Variants in SPRYD7 observed in about 807,000 individuals in gnomAD.
The protein encoded by SPRYD7 is SPRY domain containing 7.
A neutral mutation model predicts 23.8 loss-of-function variants in SPRYD7; 14 were observed. The observed-to-expected ratio is 0.59, with a 90% confidence interval of 0.39 to 0.92. The LOEUF is 0.92. SPRYD7 is among the 40% of genes least tolerant of loss of function. SPRYD7 has a pLI of 0.00. For synonymous variants in SPRYD7, 75 were observed against 84.9 expected (o/e 0.88, Z 0.64); for missense variants, 194 against 241.7 (o/e 0.80, Z 1.31).
intron 4 of SPRYD7, among the ~76,000 whole-genome samples, chr13:49,916,113 G>C (rs1955748605): frequency 1.3e-5 from 2 of 152,084 alleles, no homozygotes; most frequent in Non-Finnish European, 2.9e-5. Flanking sequence ...TCATTACCTT[G>C]ACCCTGGTGA....
chr13:49,924,615 T>G (rs940474651), intron 3 of SPRYD7, among the ~76,000 whole-genome samples: 3 of 152,100 alleles, frequency 2.0e-5, no homozygotes, highest in Admixed American at 6.6e-5. Context: ...CTGAGCTATA[T>G]AGTCTTGTAA....
At chr13:49,918,733 G>T (rs1955781468) in intron 4 of SPRYD7, among the ~76,000 whole-genome samples, 1 of 149,562 alleles carries the variant, frequency 6.7e-6, no homozygotes, top group Admixed American at 6.7e-5. Flanking sequence ...TTTTTTTGTG[G>T]AGACTAAGTC....
At chr13:49,925,562 A>G (rs1955872966) in intron 3 of SPRYD7, among the ~76,000 whole-genome samples, 1 of 152,164 alleles carries the variant, frequency 6.6e-6, no homozygotes, top group South Asian at 2.1e-4. Flanking sequence ...CTGTAATCCC[A>G]GCACTTTGGG....
At chr13:49,919,807 T>TA (rs76372615) in intron 4 of SPRYD7, among the ~76,000 whole-genome samples, 1,663 of 135,602 alleles carry the variant, frequency 0.012, 26 homozygotes, top group African/African-American at 0.041. Flanking sequence ...TATGTTTTTC[T>TA]AAAAAAAAAA....
chr13:49,933,703 G>C lies in SPRYD7; in HGVS notation c.106+2427C>G, dbSNP rs1871487121. Among the ~76,000 whole-genome samples the C allele has an allele frequency of 2.0e-5, 3 of 152,132 alleles. No individual in the cohort carries two copies. In the South Asian group the frequency reaches 6.2e-4, roughly 32 times the overall value. On this transcript the variant is annotated intron_variant, in intron 1 of 4. Coordinates refer to ENST00000361840, the MANE Select transcript of SPRYD7 (RefSeq NM_020456.4). ...TTATCCCATTTCTCTTAAGTACACA[G>C]ACGGTTTTAGAATCTGTACTTTTAA...
rs1470656907 is a variant in SPRYD7, at chr13:49,931,063, A to G, written c.178T>C (p.Leu60=). The G allele has an allele frequency of 2.5e-6, 4 of 1,613,572 alleles. No homozygotes were observed. The highest frequency in any genetic ancestry group is 3.4e-6 in the Non-Finnish European group (4 of 1,179,742). The change falls in exon 2 of 5, where the codon TTA becomes CTA. Residue 60 remains leucine, a synonymous_variant. Transcript: ENST00000361840. ...GTGGCLASAP[L]HQNKSYFEFK... is the part of the protein sequence containing the mutation. ...TCAAAATAGCTTTTGTTTTGATGTA[A>G]AGGTGCGCTGGCTAAACAACCTCCT...
intron 4 of SPRYD7, among the ~76,000 whole-genome samples, chr13:49,917,370 TG>T (rs1269838804): frequency 2.6e-5 from 4 of 152,198 alleles, no homozygotes; most frequent in Non-Finnish European, 5.9e-5. Context: ...CCCAAAGTGC[TG>T]GGATTACAGG....
At chr13:49,922,880 A>G (rs887344499) in intron 3 of SPRYD7, among the ~76,000 whole-genome samples, 1 of 152,186 alleles carries the variant, frequency 6.6e-6, no homozygotes, top group Non-Finnish European at 1.5e-5. Flanking sequence ...GCAAGACAGC[A>G]AAAGCCCAGA....
At chr13:49,924,207 G>A (rs1034080982) in intron 3 of SPRYD7, among the ~76,000 whole-genome samples, 1 of 151,662 alleles carries the variant, frequency 6.6e-6, no homozygotes, top group Non-Finnish European at 1.5e-5. Flanking sequence ...GGCTGGTCTC[G>A]AACTCCTGAC....
At chr13:49,922,306 A>G (rs527730244) in intron 3 of SPRYD7, among the ~76,000 whole-genome samples, 1 of 148,802 alleles carries the variant, frequency 6.7e-6, no homozygotes, top group South Asian at 2.1e-4. Context: ...TATAAATAAA[A>G]TATTTATTTG....
At chr13:49,919,179 G>A (rs983384209) in intron 4 of SPRYD7, among the ~76,000 whole-genome samples, 1 of 151,992 alleles carries the variant, frequency 6.6e-6, no homozygotes, top group African/African-American at 2.4e-5. Flanking sequence ...CACTTTGGGA[G>A]GCCGAGGTGG....
intron 1 of SPRYD7, among the ~76,000 whole-genome samples, chr13:49,931,732 TGAGTGCAG>T (rs1871384698): frequency 6.6e-6 from 1 of 152,184 alleles, no homozygotes; most frequent in Non-Finnish European, 1.5e-5. Flanking sequence ...GCAGACTGCT[TGAGTGCAG>T]GAAGTCGAGA....
intron 1 of SPRYD7, among the ~76,000 whole-genome samples, chr13:49,931,991 G>A (rs1203338010): frequency 2.0e-5 from 3 of 152,146 alleles, no homozygotes; most frequent in Non-Finnish European, 2.9e-5. Context: ...TATATTGAAC[G>A]TTCAAAACAC....
intron 2 of SPRYD7, among the ~76,000 whole-genome samples, chr13:49,929,312 A>C (rs1171185583): frequency 1.3e-5 from 2 of 152,116 alleles, no homozygotes; most frequent in Admixed American, 6.6e-5. Context: ...CCCATCTATA[A>C]ATAAATAAAT....
intron 4 of SPRYD7, among the ~76,000 whole-genome samples, chr13:49,919,522 G>A (rs912253044): frequency 2.6e-5 from 4 of 151,208 alleles, no homozygotes; most frequent in Non-Finnish European, 4.4e-5. Flanking sequence ...CCAGTCTGGC[G>A]ATGGAATGAG....
chr13:49,917,089 T>G lies in SPRYD7; in HGVS notation c.494-1929A>C, dbSNP rs550430058. 2.0e-5 allele frequency among the ~76,000 whole-genome samples: 3 copies of G among 152,088 alleles called. No homozygotes were observed. The South Asian group carries it at 6.2e-4, about 32-fold the overall frequency. ...ATTAGGCTAGAAGTCATAACTTTGT[T>G]TTTTTTTGTTTTGTTTTGTTGTTTT... On this transcript the variant is annotated intron_variant, in intron 4 of 4. Transcript: ENST00000361840.
At chr13:49,926,589 T>C (rs1027058691) in intron 3 of SPRYD7, among the ~76,000 whole-genome samples, 1 of 152,140 alleles carries the variant, frequency 6.6e-6, no homozygotes, top group African/African-American at 2.4e-5. Flanking sequence ...TTCCAACAAT[T>C]AAAAACTTAC....
In SPRYD7 at chr13:49,915,099, A is replaced by C; in HGVS notation, c.555T>G (p.Gly185=). 2.6e-6 allele frequency: 4 copies of C among 1,561,172 alleles called. No individual in the cohort carries two copies. Among genetic ancestry groups the C allele is most frequent in the Non-Finnish European group, 3.5e-6 (4 of 1,151,434 alleles). Reference sequence around the variant, plus strand: ...GCTGTTCAAATAATATTTTTTCAAAACCAGGTGGAGGCGTATGATAAAACT... The same window carrying C: ...GCTGTTCAAATAATATTTTTTCAAACCCAGGTGGAGGCGTATGATAAAACT... ...FSEFYHTPPP[G]FEKILFEQQI... Residue 185 remains glycine (G), a synonymous_variant, in exon 5 of 5, where the codon GGT becomes GGG. Transcript: ENST00000361840.
intron 4 of SPRYD7, among the ~76,000 whole-genome samples, chr13:49,919,372 C>T (rs1044785869): frequency 4.6e-5 from 7 of 152,010 alleles, no homozygotes. Context: ...GGTGAAACCC[C>T]ATCTCTACTA....
Sources: allele counts gnomAD v4.1 joint callset (sites outside exome capture counted in the v4.1 genomes callset), GRCh38; gene constraint gnomAD v4.1.1; transcripts MANE v1.5; gene names NCBI Gene and HGNC (gene_info 2026-07-23, HGNC 2026-07-21).